ENTREP1: variants seen among roughly 807,000 people sequenced by gnomAD.
The protein encoded by ENTREP1 is Friedreich ataxia region gene X123.
chr9:69,389,062 GT>G, the ENTREP1 span, among the ~76,000 whole-genome samples: 4 of 152,182 alleles, frequency 2.6e-5, no homozygotes, highest in Non-Finnish European at 5.9e-5. Context: ...AAAGTAAATG[GT>G]TGGACTAGGT....
chr9:69,362,963 T>A, the ENTREP1 span, among the ~76,000 whole-genome samples: 4 of 152,144 alleles, frequency 2.6e-5, no homozygotes, highest in Non-Finnish European at 5.9e-5. Flanking sequence ...TGTGAGTTAA[T>A]ACTACTTAAT....
At chr9:69,327,241 T>TTTTTCA in the ENTREP1 span, among the ~76,000 whole-genome samples, 67 of 152,300 alleles carry the variant, frequency 4.4e-4, no homozygotes, top group South Asian at 0.01. Context: ...GCCACCCTGG[T>TTTTTCA]GGCTCTGCCT....
the ENTREP1 span, chr9:69,391,921 C>A: frequency 9.8e-7 from 1 of 1,025,444 alleles, no homozygotes; most frequent in South Asian, 1.6e-5. Flanking sequence ...ACACGTTTTC[C>A]CACCTGTTGG....
the ENTREP1 span, among the ~76,000 whole-genome samples, chr9:69,369,208 A>G: frequency 6.6e-6 from 1 of 151,972 alleles, no homozygotes; most frequent in Non-Finnish European, 1.5e-5. Flanking sequence ...TATGTGCCAC[A>G]TTTTCTTTAT....
At chr9:69,389,233 T>G in the ENTREP1 span, among the ~76,000 whole-genome samples, 8 of 152,248 alleles carry the variant, frequency 5.3e-5, no homozygotes, top group East Asian at 1.5e-3. Flanking sequence ...TATGGATGTT[T>G]TGTGGCTCTG....
At chr9:69,377,520 C>T in the ENTREP1 span, 1 of 1,607,116 alleles carries the variant, frequency 6.2e-7, no homozygotes, top group Non-Finnish European at 8.5e-7. Flanking sequence ...TCCGCTGAGC[C>T]AGCCCATGGA....
At chr9:69,361,187 ATT>A in the ENTREP1 span, among the ~76,000 whole-genome samples, 1 of 152,260 alleles carries the variant, frequency 6.6e-6, no homozygotes, top group Non-Finnish European at 1.5e-5. Context: ...AAATTGCTGA[ATT>A]TTTATACATG....
At chr9:69,333,006 A>T in the ENTREP1 span, among the ~76,000 whole-genome samples, 1 of 152,230 alleles carries the variant, frequency 6.6e-6, no homozygotes, top group African/African-American at 2.4e-5. Context: ...GTTCCAATGC[A>T]CATGAAGAGA....
the ENTREP1 span, among the ~76,000 whole-genome samples, chr9:69,340,641 A>ATGTGTGTGTGTATG: frequency 1.1e-4 from 5 of 44,266 alleles, no homozygotes; most frequent in African/African-American, 3.6e-4. Context: ...GTGTGCGTGC[A>ATGTGTGTGTGTATG]TGTGTGTGTG....
the ENTREP1 span, among the ~76,000 whole-genome samples, chr9:69,358,467 T>C: frequency 1.3e-5 from 2 of 152,238 alleles, no homozygotes; most frequent in Admixed American, 1.3e-4. Context: ...TTTTGTGTTC[T>C]TGTTTCAGAT....
At chr9:69,371,569 A>C in the ENTREP1 span, 1 of 1,613,900 alleles carries the variant, frequency 6.2e-7, no homozygotes, top group Non-Finnish European at 8.5e-7. Context: ...CTAGGCTGCC[A>C]AGGGGCCCAG....
chr9:69,385,503 G>GA, the ENTREP1 span, among the ~76,000 whole-genome samples: 5 of 52,562 alleles, frequency 9.5e-5, no homozygotes, highest in East Asian at 3.4e-4. Context: ...GCACCTTTAG[G>GA]AAAAAAAAAC....
chr9:69,360,823 G>A, the ENTREP1 span, among the ~76,000 whole-genome samples: 1 of 151,700 alleles, frequency 6.6e-6, no homozygotes, highest in Non-Finnish European at 1.5e-5. Flanking sequence ...ACAAATTTTG[G>A]TGGAGCATCC....
chr9:69,369,202 T>C, the ENTREP1 span, among the ~76,000 whole-genome samples: 1 of 152,214 alleles, frequency 6.6e-6, no homozygotes, highest in African/African-American at 2.4e-5. Context: ...CGTGTATATG[T>C]GCCACATTTT....
the ENTREP1 span, chr9:69,391,788 G>A: frequency 7.5e-6 from 12 of 1,605,914 alleles, no homozygotes; most frequent in African/African-American, 8.0e-5. Flanking sequence ...GGGGTCATCC[G>A]AGAGACTGTC....
At chr9:69,325,769 A>G in the ENTREP1 span, 1 of 1,216,268 alleles carries the variant, frequency 8.2e-7, no homozygotes, top group Non-Finnish European at 1.0e-6. Context: ...TCCCGGTGAT[A>G]GGGGGCTCTG....
chr9:69,335,339 G>A, the ENTREP1 span, among the ~76,000 whole-genome samples: 1 of 152,160 alleles, frequency 6.6e-6, no homozygotes, highest in Admixed American at 6.5e-5. Context: ...TGAGTGTGGA[G>A]CGGTGGAATC....
At chr9:69,367,726 TA>T in the ENTREP1 span, among the ~76,000 whole-genome samples, 3 of 51,888 alleles carry the variant, frequency 5.8e-5, no homozygotes, top group African/African-American at 1.1e-4. Flanking sequence ...CACATATATA[TA>T]AAAATATATA....
At chr9:69,377,310 C>T in the ENTREP1 span, 3 of 971,526 alleles carry the variant, frequency 3.1e-6, no homozygotes, top group Non-Finnish European at 5.1e-6. Context: ...AGATTTTCTA[C>T]ATTGTATTCT....
Sources: allele counts gnomAD v4.1 joint callset (sites outside exome capture counted in the v4.1 genomes callset), GRCh38; gene constraint gnomAD v4.1.1; transcripts MANE v1.5; gene names NCBI Gene and HGNC (gene_info 2026-07-23, HGNC 2026-07-21).